Variants in PRDM15 observed in about 807,000 individuals in gnomAD.
The protein encoded by PRDM15 is PR domain zinc finger protein 15.
PRDM15 carries 64 observed loss-of-function variants against 128.6 expected under a neutral mutation model. The observed-to-expected ratio is 0.50, with a 90% CI of 0.41 to 0.61. PRDM15 has a LOEUF of 0.61. PRDM15 is among the 20% of genes least tolerant of loss of function. The pLI is 0.00. For synonymous variants in PRDM15, 615 were observed against 621.8 expected, an observed-to-expected ratio of 0.99 and a Z score of 0.16; for missense variants, 1,242 against 1,569.1, an observed-to-expected ratio of 0.79 and a Z score of 3.52.
chr21:41,866,248 A>G (rs925548529), intron 1 of PRDM15, among the ~76,000 whole-genome samples: 3 of 152,268 alleles, frequency 2.0e-5, no homozygotes, highest in Admixed American at 6.5e-5. Context: ...TTACGCCAAG[A>G]AAGTTCAGAA....
chr21:41,843,242 T>C (rs1047321266), intron 6 of PRDM15, among the ~76,000 whole-genome samples: 3 of 152,240 alleles, frequency 2.0e-5, no homozygotes, highest in Non-Finnish European at 4.4e-5. Context: ...AGACTTAAAC[T>C]CTGCCAGAAG....
intron 5 of PRDM15, among the ~76,000 whole-genome samples, chr21:41,849,157 C>T (rs2063352188): frequency 6.6e-6 from 1 of 152,244 alleles, no homozygotes; most frequent in Non-Finnish European, 1.5e-5. Context: ...GCACAGCAAA[C>T]AGCCTGGCAT....
At position 41,815,782 on chromosome 21, in the gene PRDM15, T is replaced by C; in HGVS notation, c.2315A>G (p.Lys772Arg). The C allele has an allele frequency of 1.2e-6, 2 of 1,614,122 alleles. No homozygotes were observed. The highest frequency in any genetic ancestry group is 1.7e-6 in the Non-Finnish European group (2 of 1,179,976). ...GTGGCACTCCTTGCACTCGTACTCCTTGATGCCCTTGTGCAGCTTCATGTG... is the reference window on the plus strand; with the variant it reads ...GTGGCACTCCTTGCACTCGTACTCCCTGATGCCCTTGTGCAGCTTCATGTG... ...RHHMKLHKGI[K>R]EYECKECHRR... The change falls in exon 19 of 24, where the codon AAG becomes AGG. Residue 772 changes from lysine to arginine, a missense_variant. Lys to Arg is a conservative substitution (Grantham distance 26, BLOSUM62 2). This residue lies in a region of PRDM15 where 602 missense variants were observed against 788.3 expected (regional missense o/e 0.76). Coordinates refer to ENST00000398548, the MANE Select transcript of PRDM15 (RefSeq NM_001040424.3).
Position 41,800,937 on chromosome 21 carries a change from T to C in PRDM15, c.*303A>G, listed in dbSNP as rs2061399212. ...CAGCTTCACTTTCCCGAACCCTGTG[T>C]CGGGCGAACACTGGTTCTGTAAGGG... On this transcript the variant is annotated 3_prime_UTR_variant, in exon 24 of 24. Coordinates refer to ENST00000398548, the MANE Select transcript of PRDM15 (RefSeq NM_001040424.3). The C allele has an allele frequency of 3.0e-6, 1 of 336,106 alleles. No individual in the cohort carries two copies. The highest frequency in any genetic ancestry group is 5.4e-6 in the Non-Finnish European group (1 of 186,150). The allele number at this position is 336,106 out of a possible 1,614,324, so 20.8% of individuals were successfully genotyped here.
At chr21:41,840,170 C>T (rs2063029952) in intron 6 of PRDM15, among the ~76,000 whole-genome samples, 1 of 152,170 alleles carries the variant, frequency 6.6e-6, no homozygotes, top group Non-Finnish European at 1.5e-5. Context: ...TGTGTCCAGG[C>T]ACAGTGGCTC....
At position 41,874,525 on chromosome 21, in the gene PRDM15, A is replaced by ATATATATT; in HGVS notation, c.-10+4744_-10+4745insAATATATA. On this transcript the variant is annotated intron_variant, in intron 1 of 23. Transcript: ENST00000398548. Reference sequence around the variant, plus strand: ...TGCATATATATATATATATATATATATTTTTTTTTTTTTTTGAAACTTACA... The same window carrying ATATATATT: ...TGCATATATATATATATATATATATATATATATTTTTTTTTTTTTTTTTGAAACTTACA... Among the ~76,000 whole-genome samples, 166 of 95,796 alleles carry ATATATATT rather than the reference A, an allele frequency of 1.7e-3. 1 individual carries two copies. The highest frequency in any genetic ancestry group is 1.9e-3 in the Non-Finnish European group (96 of 50,092). The allele number at this position is 95,796 out of a possible 152,430, so 62.8% of individuals were successfully genotyped here.
Position 41,838,090 on chromosome 21 carries a change from A to C in PRDM15, c.872-27T>G, listed in dbSNP as rs374903211. 24 of 1,611,792 alleles carry C rather than the reference A, an allele frequency of 1.5e-5. No homozygotes were observed. In the African/African-American group the frequency reaches 3.2e-4, roughly 21 times the overall value. The stretch of plus-strand genomic sequence containing the variant: ...TGTACGAAGGGGATGTGACAAGCTA[A>C]GTAACCACAAGAGCAGGGGACAAAC... On this transcript the variant is annotated intron_variant, in intron 7 of 23. Coordinates refer to ENST00000398548, the MANE Select transcript of PRDM15 (RefSeq NM_001040424.3).
chr21:41,853,761 G>A (rs189239684), intron 5 of PRDM15, among the ~76,000 whole-genome samples: 1 of 152,120 alleles, frequency 6.6e-6, no homozygotes, highest in Non-Finnish European at 1.5e-5. Flanking sequence ...CTTTGAACAC[G>A]CATGCACACA....
At chr21:41,843,950 T>TTAAAA (rs1555883670) in intron 6 of PRDM15, among the ~76,000 whole-genome samples, 4 of 123,252 alleles carry the variant, frequency 3.2e-5, no homozygotes, top group South Asian at 2.7e-4. Flanking sequence ...CCTTGTATTG[T>TTAAAA]AAAAAAAAAA....
rs1325657802 is a variant in PRDM15 at position 41,852,686 on chromosome 21, G to A, written c.538+1880C>T. On this transcript the variant is annotated intron_variant, in intron 5 of 23. Coordinates refer to ENST00000398548, the MANE Select transcript of PRDM15 (RefSeq NM_001040424.3). ...TACCAACCTGGCCGAAGAGGACGCCGCCACCGCTGCAGGCCCCAGAGGGAG... is the reference window on the plus strand; with the variant it reads ...TACCAACCTGGCCGAAGAGGACGCCACCACCGCTGCAGGCCCCAGAGGGAG... Among the ~76,000 whole-genome samples the A allele has an allele frequency of 4.6e-5, 7 of 152,302 alleles. No homozygotes were observed. The East Asian group carries it at 5.8e-4, about 13-fold the overall frequency.
intron 1 of PRDM15, among the ~76,000 whole-genome samples, chr21:41,865,951 G>A (rs377399770): frequency 2.0e-4 from 30 of 151,966 alleles, no homozygotes; most frequent in Non-Finnish European, 3.4e-4. Context: ...CACTATGTTG[G>A]CCAGACTGGT....
At position 41,801,366 on chromosome 21, in the gene PRDM15, C is replaced by T. The variant is rs369599731; in HGVS notation, c.3300G>A (p.Pro1100=). The part of the protein sequence containing the change: ...PLGSQLSDQH[P]LTWRAVPQTD... ...TCTGGGGCACTGCCCGCCACGTGAG[C>T]GGGTGCTGGTCACTAAGCTGGCTCC... The change falls in exon 24 of 24, where the codon CCG becomes CCA. Residue 1100 remains proline, a synonymous_variant. Transcript: ENST00000398548. 9 of 1,609,026 alleles carry T rather than the reference C, an allele frequency of 5.6e-6. No homozygotes were observed. The African/African-American group carries it at 8.0e-5, about 14-fold the overall frequency.
chr21:41,865,028 C>T (rs1185226469), intron 1 of PRDM15, among the ~76,000 whole-genome samples: 4 of 151,708 alleles, frequency 2.6e-5, no homozygotes, highest in Non-Finnish European at 5.9e-5. Context: ...CCCCACTCCC[C>T]ACTCCCCTGC....
chr21:41,855,638 G>A (rs531277542), intron 4 of PRDM15, among the ~76,000 whole-genome samples: 8 of 152,194 alleles, frequency 5.3e-5, no homozygotes, highest in Non-Finnish European at 8.8e-5. Context: ...TGGGCACAGA[G>A]GAGCTGAACG....
At chr21:41,851,462 C>T (rs1040170842) in intron 5 of PRDM15, among the ~76,000 whole-genome samples, 7 of 152,212 alleles carry the variant, frequency 4.6e-5, no homozygotes, top group African/African-American at 1.4e-4. Context: ...GCTCTAGAAG[C>T]GCCACTGTGC....
chr21:41,860,979 C>T (rs754281026), intron 1 of PRDM15, among the ~76,000 whole-genome samples: 5 of 152,258 alleles, frequency 3.3e-5, no homozygotes, highest in South Asian at 2.1e-4. Flanking sequence ...AAATATATCA[C>T]CTTTTTTTGG....
At chr21:41,877,423 C>T (rs1321440977) in intron 1 of PRDM15, 2 of 152,226 alleles carry the variant, frequency 1.3e-5, no homozygotes, top group Non-Finnish European at 2.9e-5. Context: ...CATGAATGGC[C>T]GAATGAATGA....
In PRDM15 at chr21:41,832,086, A is replaced by G. The variant is rs2062712794; in HGVS notation, c.1366+3351T>C. 2.6e-5 allele frequency among the ~76,000 whole-genome samples: 4 copies of G among 152,218 alleles called. No individual in the cohort carries two copies. The South Asian group carries it at 8.3e-4, about 31-fold the overall frequency. On this transcript the variant is annotated intron_variant, in intron 11 of 23. Coordinates refer to ENST00000398548, the MANE Select transcript of PRDM15 (RefSeq NM_001040424.3). The surrounding 1 kb of genome is among the most constrained non-coding windows in gnomAD (Gnocchi z 4.2). ...CTGCGTCTGAGGCGTGCGTGTTTAC[A>G]GTGCTGGACGTTTTCATGATCACTT...
chr21:41,859,346 C>A lies in PRDM15; in HGVS notation c.131+246G>T. On this transcript the variant is annotated intron_variant, in intron 3 of 23. Coordinates refer to ENST00000398548, the MANE Select transcript of PRDM15 (RefSeq NM_001040424.3). The surrounding 1 kb of genome is among the most constrained non-coding windows in gnomAD (Gnocchi z 5.3). ...CCTCCACACACTGTGTCGGGAACAG[C>A]TGGGCTCCAGCTAAGAACCCTGGAG... 2 of 970,846 alleles carry A rather than the reference C, an allele frequency of 2.1e-6. No homozygotes were observed. The highest frequency in any genetic ancestry group is 3.1e-6 in the Non-Finnish European group (2 of 643,582). 60.1% of individuals were successfully genotyped at this position (970,846 alleles called of 1,614,324 possible).
Sources: allele counts gnomAD v4.1 joint callset (sites outside exome capture counted in the v4.1 genomes callset), GRCh38; gene constraint gnomAD v4.1.1; regional missense constraint gnomAD v4.1.1; non-coding constraint Gnocchi (gnomAD v3.1); transcripts MANE v1.5; gene names NCBI Gene and HGNC (gene_info 2026-07-23, HGNC 2026-07-21).